The following HEATR4 variants were observed in gnomAD, a reference collection of about 807,000 sequenced individuals.
HEATR4 encodes the protein HEAT repeat containing 4.
In HEATR4, 95 loss-of-function variants were observed where a neutral mutation model predicts 108.8. The ratio of observed to expected loss-of-function variants is 0.87; its 90% confidence interval spans 0.74 to 1.04. HEATR4 has a LOEUF of 1.04. HEATR4 is among the 50% of genes least tolerant of loss of function. The pLI is 0.00. For synonymous variants in HEATR4, 443 were observed against 459.4 expected (o/e 0.96, Z 0.46); for missense variants, 1,152 against 1,253.8 (o/e 0.92, Z 1.23).
chr14:73,514,034 G>A lies in HEATR4; in HGVS notation c.1411C>T (p.Leu471=). 1 of 1,614,114 alleles carries A rather than the reference G, an allele frequency of 6.2e-7. No individual in the cohort carries two copies. Among genetic ancestry groups the A allele is most frequent in the African/African-American group, 1.3e-5 (1 of 75,044 alleles). ...MLKEWKTAWA[L]IIEWHHETVE... ...CACAGGACCTCCCTTCACTCACTCAGAGCCCAGGCAGTCTTCCATTCCTTC... is the reference window on the plus strand; with the variant it reads ...CACAGGACCTCCCTTCACTCACTCAAAGCCCAGGCAGTCTTCCATTCCTTC... Residue 471 remains leucine, a synonymous_variant, in exon 6 of 18, where the codon CTG becomes TTG. Transcript: ENST00000553558.
At position 73,524,155 on chromosome 14, in the gene HEATR4, G is replaced by A. The variant is rs180843330; in HGVS notation, c.-72-931C>T. ...AAAATACAAAAAATTAGCCAGGCGC[G>A]GTGGCATGTGCCTGTAATCCCAGCT... On this transcript the variant is annotated intron_variant, in intron 2 of 17. Transcript: ENST00000553558. Among the ~76,000 whole-genome samples the A allele has an allele frequency of 1.5e-3, 220 of 151,464 alleles. 7 individuals are homozygous for A. The East Asian group carries it at 0.038, about 26-fold the overall frequency.
the HEATR4 span, among the ~76,000 whole-genome samples, chr14:73,615,589 G>A: frequency 6.6e-6 from 1 of 151,798 alleles, no homozygotes; most frequent in East Asian, 1.9e-4. Context: ...AATTAGCCAG[G>A]TGTGGTGGCA....
intron 17 of HEATR4, chr14:73,491,828 C>T (rs1027344120): frequency 1.2e-6 from 2 of 1,606,764 alleles, no homozygotes; most frequent in South Asian, 1.1e-5. Flanking sequence ...CATCAACGGA[C>T]GACGCGAGAC....
Position 73,509,378 on chromosome 14 carries a change from A to G in HEATR4, c.1654T>C (p.Cys552Arg), listed in dbSNP as rs1259229847. Reference protein sequence around the residue: ...NAHVRMAAAICQYAIQSHNPL... With the variant: ...NAHVRMAAAIRQYAIQSHNPL... Reference sequence around the variant, plus strand: ...TTATGTGACTGTATGGCATATTGGCATATTGCTGCTGCCATCCGCACATGG... The same window carrying G: ...TTATGTGACTGTATGGCATATTGGCGTATTGCTGCTGCCATCCGCACATGG... Residue 552 changes from cysteine (C) to arginine (R), a missense_variant, in exon 8 of 18, where the codon TGC (cysteine) becomes CGC (arginine). Coordinates refer to ENST00000553558, the MANE Select transcript of HEATR4 (RefSeq NM_001220484.1). The G allele has an allele frequency of 6.2e-7, 1 of 1,614,088 alleles. No homozygotes were observed. Among genetic ancestry groups the G allele is most frequent in the South Asian group, 1.1e-5 (1 of 91,066 alleles).
rs1318646876 is a variant in HEATR4, at chr14:73,524,817, CAT to C, written c.-72-1595_-72-1594del. Among the ~76,000 whole-genome samples, 4 of 151,858 alleles carry C rather than the reference CAT, an allele frequency of 2.6e-5. No homozygotes were observed. The East Asian group carries it at 7.7e-4, about 29-fold the overall frequency. ...AAGGATGAAGGAGAGACCATTATTCCATATGTTTCTATCCTGCTAGTGTCAAC... is the reference window on the plus strand; with the variant it reads ...AAGGATGAAGGAGAGACCATTATTCCATGTTTCTATCCTGCTAGTGTCAAC... On this transcript the variant is annotated intron_variant, in intron 2 of 17. Transcript: ENST00000553558.
intron 2 of HEATR4, among the ~76,000 whole-genome samples, chr14:73,528,392 CAAAAAAAAAAAA>C (rs371875141): frequency 5.6e-5 from 5 of 88,518 alleles, no homozygotes; most frequent in South Asian, 1.0e-3. Flanking sequence ...AACTTCATCT[CAAAAAAAAAAAA>C]AAAAAAAAAA....
the HEATR4 span, among the ~76,000 whole-genome samples, chr14:73,617,905 G>A: frequency 2.8e-5 from 3 of 108,658 alleles, no homozygotes; most frequent in African/African-American, 1.1e-4. Context: ...AGTACTTTGG[G>A]AGGCCAAGGC....
the HEATR4 span, among the ~76,000 whole-genome samples, chr14:73,598,991 G>A: frequency 4.5e-4 from 68 of 151,970 alleles, no homozygotes; most frequent in African/African-American, 1.5e-3. Context: ...GCAACACAGC[G>A]AGACTGTCTC....
In HEATR4 at chr14:73,496,627, C is replaced by T. The variant is rs902992082; in HGVS notation, c.2599G>A (p.Glu867Lys). The change falls in exon 15 of 18, where the codon GAA (glutamate) becomes AAA (lysine). Residue 867 changes from glutamate to lysine, a missense_variant. By Grantham distance (56) the Glu-to-Lys change is moderately conservative. Transcript: ENST00000553558. Reference protein sequence around the residue: ...ILNLGNEGNQEMLQEIKNRIK... With the variant: ...ILNLGNEGNQKMLQEIKNRIK... The stretch of plus-strand genomic sequence containing the variant: ...CTGTTCTTGATCTCCTGAAGCATTT[C>T]TTGGTTTCCTTCATTTCCTAAGTTG... The T allele has an allele frequency of 1.2e-6, 2 of 1,603,756 alleles. No individual in the cohort carries two copies. The highest frequency in any genetic ancestry group is 1.7e-6 in the Non-Finnish European group (2 of 1,170,710).
At chr14:73,569,031 C>G in the HEATR4 span, 1 of 631,332 alleles carries the variant, frequency 1.6e-6, no homozygotes, top group Non-Finnish European at 2.7e-6. Context: ...CCTGGTCCAG[C>G]CCATTCCGCA....
chr14:73,571,478 C>CA, the HEATR4 span: 37 of 152,312 alleles, frequency 2.4e-4, no homozygotes, highest in African/African-American at 8.7e-4. Context: ...GGTTGGGCTT[C>CA]AAGACTAGGG....
chr14:73,490,947 C>T (rs1432233131), intron 17 of HEATR4: 45 of 1,282,612 alleles, frequency 3.5e-5, no homozygotes, highest in Non-Finnish European at 4.4e-5. Context: ...TGCACCGCAG[C>T]CGCTGCATTC....
At chr14:73,490,974 T>A in intron 17 of HEATR4, 1 of 1,314,782 alleles carries the variant, frequency 7.6e-7, no homozygotes, top group Non-Finnish European at 9.7e-7. Context: ...CGCTTTAGCT[T>A]CGCCCCCGGC....
chr14:73,574,497 A>C, the HEATR4 span: 1 of 340,366 alleles, frequency 2.9e-6, no homozygotes, highest in South Asian at 2.8e-5. Flanking sequence ...TCCTGACCTC[A>C]AATGATCCAC....
the HEATR4 span, among the ~76,000 whole-genome samples, chr14:73,625,588 T>G: frequency 6.6e-6 from 1 of 151,594 alleles, no homozygotes; most frequent in Non-Finnish European, 1.5e-5. Context: ...CTCGAACTCC[T>G]GACCTTAGGT....
intron 17 of HEATR4, among the ~76,000 whole-genome samples, chr14:73,480,112 C>T (rs1407265211): frequency 6.6e-6 from 1 of 152,068 alleles, no homozygotes; most frequent in African/African-American, 2.4e-5. Flanking sequence ...AGTAATAAAA[C>T]CAATGTATTA....
In HEATR4 at chr14:73,548,543, T is replaced by C. The variant is rs2140318297; in HGVS notation, c.-152+10208A>G. 1.7e-5 allele frequency among the ~76,000 whole-genome samples: 2 copies of C among 115,338 alleles called. 1 individual carries two copies. The highest frequency in any genetic ancestry group is 1.4e-3 in the East Asian group (2 of 1,460). 75.7% of individuals were successfully genotyped at this position (115,338 alleles called of 152,430 possible). On this transcript the variant is annotated intron_variant, in intron 1 of 17. Coordinates refer to ENST00000553558, the MANE Select transcript of HEATR4 (RefSeq NM_001220484.1). ...AAGGAAATATATGACCAGGTAATGG[T>C]GTGTACTTAACAAGCATCTAGGTAA...
At chr14:73,506,693 G>A in intron 9 of HEATR4, 122 bp from the exon 10 acceptor site, 2 of 649,562 alleles carry the variant, frequency 3.1e-6, no homozygotes, top group South Asian at 2.0e-5. Context: ...TACAAGAGAT[G>A]GGGCATGTTT....
chr14:73,496,457 A>C, intron 15 of HEATR4, 144 bp downstream of exon 15: 1 of 595,584 alleles, frequency 1.7e-6, no homozygotes, highest in Non-Finnish European at 3.0e-6. Flanking sequence ...TGCATCTTCA[A>C]ATGATGTGGC....
Sources: gnomAD v4.1 joint callset for allele counts (sites outside exome capture counted in the v4.1 genomes callset) on GRCh38, gnomAD v4.1.1 for gene constraint, MANE v1.5 for transcripts, NCBI Gene and HGNC (gene_info 2026-07-23, HGNC 2026-07-21) for gene names.